GRIP1: variants seen among roughly 807,000 people sequenced by gnomAD.
GRIP1 encodes the protein glutamate receptor interacting protein 1, also known as glutamate receptor-interacting protein 1.
Under a neutral mutation model 129.9 loss-of-function variants are expected in GRIP1, and 45 were observed. The observed-to-expected ratio is 0.35, with a 90% CI of 0.27 to 0.44. The LOEUF (loss-of-function observed/expected upper bound fraction) is 0.44. GRIP1 is among the 20% of genes least tolerant of loss of function. The pLI is 1.00. For synonymous variants in GRIP1, 530 were observed against 520.8 expected, an observed-to-expected ratio of 1.02 and a Z score of -0.24; for missense variants, 1,196 against 1,396.8, an observed-to-expected ratio of 0.86 and a Z score of 2.29.
intron 1 of GRIP1, among the ~76,000 whole-genome samples, chr12:66,829,952 T>C (rs1430299429): frequency 2.0e-5 from 3 of 152,118 alleles, no homozygotes; most frequent in Admixed American, 6.5e-5. Flanking sequence ...TTGTCCAAAG[T>C]AAAACAGGCA....
At chr12:66,735,693 CA>C (rs2036572688) in intron 1 of GRIP1, among the ~76,000 whole-genome samples, 1 of 152,042 alleles carries the variant, frequency 6.6e-6, no homozygotes, top group Admixed American at 6.6e-5. Context: ...AGTAAGGTGT[CA>C]GGGGAAAGAG....
chr12:66,655,181 T>C (rs2033068539), intron 1 of GRIP1, among the ~76,000 whole-genome samples: 1 of 152,194 alleles, frequency 6.6e-6, no homozygotes, highest in Admixed American at 6.5e-5. Context: ...GCAACCACTA[T>C]CCCCAAATGG....
chr12:67,060,017 G>A (rs1044950679), intron 1 of GRIP1, among the ~76,000 whole-genome samples: 1 of 152,160 alleles, frequency 6.6e-6, no homozygotes, highest in East Asian at 1.9e-4. Flanking sequence ...TGAGCATGGT[G>A]CTATGGAACC....
At chr12:67,007,509 C>T (rs2042644314) in intron 1 of GRIP1, among the ~76,000 whole-genome samples, 1 of 151,938 alleles carries the variant, frequency 6.6e-6, no homozygotes, top group East Asian at 1.9e-4. Flanking sequence ...TGAGGCAAAT[C>T]AAAGACAAAG....
At chr12:66,813,585 GAC>G (rs1566035817) in intron 1 of GRIP1, among the ~76,000 whole-genome samples, 1 of 152,154 alleles carries the variant, frequency 6.6e-6, no homozygotes, top group Non-Finnish European at 1.5e-5. Context: ...ACCAGGAGGA[GAC>G]ACAACTTGAG....
At chr12:66,518,404 A>G (rs2060906246) in intron 5 of GRIP1, among the ~76,000 whole-genome samples, 1 of 140,420 alleles carries the variant, frequency 7.1e-6, no homozygotes, top group African/African-American at 2.5e-5. Context: ...AAATCCTAGT[A>G]CTAAAAAAGA....
chr12:66,426,436 T>A (rs984907555), intron 14 of GRIP1, among the ~76,000 whole-genome samples: 27 of 152,286 alleles, frequency 1.8e-4, no homozygotes, highest in African/African-American at 5.8e-4. Flanking sequence ...GCCCACTTTT[T>A]TCCCCCTCTG....
intron 2 of GRIP1, among the ~76,000 whole-genome samples, chr12:66,545,302 T>G (rs1237157352): frequency 6.6e-6 from 1 of 152,192 alleles, no homozygotes; most frequent in South Asian, 2.1e-4. Flanking sequence ...TCTTTTTAAT[T>G]ACTGAACTCC....
intron 4 of GRIP1, among the ~76,000 whole-genome samples, chr12:66,532,418 C>G (rs1266676326): frequency 6.6e-6 from 1 of 152,152 alleles, no homozygotes; most frequent in Non-Finnish European, 1.5e-5. Context: ...GTTGTCCCTT[C>G]TTTCTACATG....
intron 1 of GRIP1, among the ~76,000 whole-genome samples, chr12:67,032,577 T>A (rs555403169): frequency 1.3e-5 from 2 of 152,324 alleles, no homozygotes; most frequent in African/African-American, 4.8e-5. Flanking sequence ...GCCAGATAAT[T>A]CTTTGTTGAT....
At chr12:66,444,873 A>T in intron 12 of GRIP1, 144 bp from the exon 13 acceptor site, 1 of 792,994 alleles carries the variant, frequency 1.3e-6, no homozygotes, top group Non-Finnish European at 2.2e-6. Flanking sequence ...CATATAGGTC[A>T]AATTCAACGT....
intron 17 of GRIP1, among the ~76,000 whole-genome samples, chr12:66,393,613 G>T (rs746423702): frequency 2.6e-5 from 4 of 152,168 alleles, no homozygotes; most frequent in Non-Finnish European, 5.9e-5. Context: ...GGGCAGATTT[G>T]CTTATAGGGT....
intron 16 of GRIP1, among the ~76,000 whole-genome samples, chr12:66,396,772 G>A (rs553540830): frequency 6.6e-6 from 1 of 152,276 alleles, no homozygotes; most frequent in East Asian, 1.9e-4. Context: ...AATGGAAGCT[G>A]ATTTCTGTTT....
chr12:66,871,835 G>A (rs781336049), intron 1 of GRIP1, among the ~76,000 whole-genome samples: 6 of 152,120 alleles, frequency 3.9e-5, no homozygotes, highest in Non-Finnish European at 7.4e-5. Context: ...GCTGGGGCAA[G>A]TGGTTTTTCT....
intron 1 of GRIP1, among the ~76,000 whole-genome samples, chr12:66,991,246 G>A (rs997394184): frequency 9.2e-5 from 14 of 152,038 alleles, no homozygotes; most frequent in African/African-American, 1.4e-4. Context: ...GCACTCAAGC[G>A]TGGGCAACAC....
chr12:66,862,233 A>G (rs1402459511), intron 1 of GRIP1, among the ~76,000 whole-genome samples: 1 of 152,086 alleles, frequency 6.6e-6, no homozygotes, highest in African/African-American at 2.4e-5. Context: ...AAGATTCTGA[A>G]GTGGAAAGTA....
At chr12:66,997,083 G>T in intron 1 of GRIP1, among the ~76,000 whole-genome samples, 1 of 152,068 alleles carries the variant, frequency 6.6e-6, no homozygotes, top group East Asian at 1.9e-4. Flanking sequence ...AACCGGACCT[G>T]GTGAGTTCTA....
intron 1 of GRIP1, among the ~76,000 whole-genome samples, chr12:66,601,872 T>C (rs953636085): frequency 2.0e-5 from 3 of 152,188 alleles, no homozygotes; most frequent in African/African-American, 4.8e-5. Flanking sequence ...GTACCTACTA[T>C]GTGCAAACTA....
intron 11 of GRIP1, among the ~76,000 whole-genome samples, chr12:66,447,295 A>C (rs12582797): frequency 0.078 from 11,844 of 152,190 alleles, 1,264 homozygotes; most frequent in African/African-American, 0.24. Context: ...TTTATCCTCT[A>C]TGGTAATGCC....
Sources: allele counts gnomAD v4.1 joint callset (sites outside exome capture counted in the v4.1 genomes callset), GRCh38; gene constraint gnomAD v4.1.1; transcripts MANE v1.5; gene names NCBI Gene and HGNC (gene_info 2026-07-23, HGNC 2026-07-21).